Variants in FHOD3 observed in about 807,000 individuals in gnomAD.
FHOD3 encodes formin homology 2 domain containing 3, also known as FH1/FH2 domain-containing protein 3.
In FHOD3, 90 loss-of-function variants were observed where a neutral mutation model predicts 173.0. The ratio of observed to expected loss-of-function variants is 0.52; its 90% CI spans 0.44 to 0.62. The LOEUF is 0.62. Ranked by LOEUF, FHOD3 falls within the 20% of genes least tolerant of loss-of-function variation. The pLI is 0.00. For missense variants in FHOD3, 1,945 were observed against 2,034.7 expected (o/e 0.96, Z 0.85); for synonymous variants, 828 against 823.0 (o/e 1.01, Z -0.10).
At chr18:36,596,737 C>T (rs568469826) in intron 7 of FHOD3, among the ~76,000 whole-genome samples, 6 of 152,116 alleles carry the variant, frequency 3.9e-5, no homozygotes, top group East Asian at 1.9e-4. Flanking sequence ...AGTACATGGA[C>T]GGGGGCTGTG....
intron 5 of FHOD3, among the ~76,000 whole-genome samples, chr18:36,532,142 A>T (rs1412339930): frequency 2.0e-5 from 3 of 152,038 alleles, no homozygotes; most frequent in Non-Finnish European, 2.9e-5. Context: ...CTCAAGTTGT[A>T]CCTCTTAATG....
intron 3 of FHOD3, among the ~76,000 whole-genome samples, chr18:36,373,435 A>C (rs759951218): frequency 5.8e-5 from 2 of 34,358 alleles, no homozygotes; most frequent in Non-Finnish European, 1.1e-4. Flanking sequence ...GTTGAGTCCT[A>C]GTCTATACCC....
chr18:36,664,253 A>T (rs1471974167), intron 14 of FHOD3, among the ~76,000 whole-genome samples: 1 of 152,204 alleles, frequency 6.6e-6, no homozygotes, highest in African/African-American at 2.4e-5. Context: ...TTTCTATGTG[A>T]CACAGTTAAT....
chr18:36,703,788 C>T (rs191709414), intron 17 of FHOD3, among the ~76,000 whole-genome samples: 4 of 152,316 alleles, frequency 2.6e-5, no homozygotes, highest in South Asian at 2.1e-4. Flanking sequence ...TTTCTCTCCT[C>T]ATTTTGCGAC....
intron 22 of FHOD3, among the ~76,000 whole-genome samples, chr18:36,743,680 G>A (rs536486783): frequency 3.2e-4 from 49 of 152,224 alleles, no homozygotes; most frequent in Admixed American, 7.8e-4. Flanking sequence ...ATTAAGAAAC[G>A]CAACTTTTTA....
intron 3 of FHOD3, among the ~76,000 whole-genome samples, chr18:36,471,758 A>G (rs973377948): frequency 2.0e-5 from 3 of 152,242 alleles, no homozygotes; most frequent in East Asian, 1.9e-4. Flanking sequence ...TTGTCTGTCT[A>G]TCCACAGAAT....
chr18:36,462,189 G>T (rs1460392532), intron 3 of FHOD3, among the ~76,000 whole-genome samples: 3 of 152,162 alleles, frequency 2.0e-5, no homozygotes, highest in African/African-American at 7.2e-5. Context: ...CAGTGGGGTT[G>T]TTCACTCACC....
chr18:36,380,467 CCCTTCATT>C (rs2047685670), intron 3 of FHOD3, among the ~76,000 whole-genome samples: 1 of 146,632 alleles, frequency 6.8e-6, no homozygotes, highest in Non-Finnish European at 1.5e-5. Flanking sequence ...CTCCCTTCCT[CCCTTCATT>C]CCCCTCCCTC....
At chr18:36,650,722 A>C (rs1600086102) in intron 11 of FHOD3, among the ~76,000 whole-genome samples, 1 of 152,318 alleles carries the variant, frequency 6.6e-6, no homozygotes, top group Middle Eastern at 3.4e-3. Context: ...ACCTGCACAA[A>C]CCCTTAAACC....
chr18:36,474,978 TACACACATACACACACAC>T (rs1226121810), intron 3 of FHOD3, among the ~76,000 whole-genome samples: 2 of 95,094 alleles, frequency 2.1e-5, no homozygotes, highest in Non-Finnish European at 4.4e-5. Flanking sequence ...AGGTTGAAAA[TACACACATACACACACAC>T]ACACACACAC....
Position 36,769,511 on chromosome 18 carries a change from C to T in FHOD3, c.4786+85C>T, listed in dbSNP as rs1005105645. ...ACGTGAACTGGGAAAGGTGGAGACA[C>T]AGCTCCAGTGAATTGTCAGTGGCTC... On this transcript the variant is annotated intron_variant, in intron 28 of 28. Transcript: ENST00000590592. 21 of 1,483,326 alleles carry T rather than the reference C, an allele frequency of 1.4e-5. No individual in the cohort carries two copies. In the African/African-American group the frequency reaches 1.8e-4, roughly 13 times the overall value. The allele number at this position is 1,483,326 out of a possible 1,614,324, so 91.9% of individuals were successfully genotyped here. A position where few individuals can be genotyped will look rare whatever the true frequency, so the allele number is the denominator to read the frequency against.
At position 36,755,287 on chromosome 18, in the gene FHOD3, G is replaced by A. The variant is rs2042579601; in HGVS notation, c.4401G>A (p.Lys1467=). 1 of 1,592,564 alleles carries A rather than the reference G, an allele frequency of 6.3e-7. No homozygotes were observed. Among genetic ancestry groups the A allele is most frequent in the African/African-American group, 1.3e-5 (1 of 74,148 alleles). ...QKRANHRERN[K]TRGKMITDTD... The stretch of plus-strand genomic sequence containing the variant: ...GGGCCAACCACAGAGAGAGAAATAA[G>A]ACCAGAGGGAAGATGATCACCGATG... Residue 1467 remains lysine (K), a synonymous_variant, in exon 25 of 29, where the codon AAG becomes AAA. Transcript: ENST00000590592.
intron 5 of FHOD3, among the ~76,000 whole-genome samples, chr18:36,519,340 C>A (rs2056153814): frequency 6.6e-6 from 1 of 152,210 alleles, no homozygotes; most frequent in South Asian, 2.1e-4. Flanking sequence ...GCTGGCCCCA[C>A]TGTTCCTCCT....
At chr18:36,610,932 C>T (rs776618473) in intron 8 of FHOD3, among the ~76,000 whole-genome samples, 5 of 152,318 alleles carry the variant, frequency 3.3e-5, no homozygotes, top group Middle Eastern at 3.4e-3. Context: ...AGGCGTTTAT[C>T]CTTCTCTCCC....
chr18:36,626,113 G>C (rs1271983989), intron 10 of FHOD3, among the ~76,000 whole-genome samples: 1 of 152,134 alleles, frequency 6.6e-6, no homozygotes, highest in Non-Finnish European at 1.5e-5. Flanking sequence ...TAGGAATGTG[G>C]GGTTGGAAGA....
intron 3 of FHOD3, among the ~76,000 whole-genome samples, chr18:36,464,125 A>C (rs1382981511): frequency 6.6e-6 from 1 of 152,178 alleles, no homozygotes; most frequent in African/African-American, 2.4e-5. Context: ...TTCAACTTGG[A>C]CCGTATCTGT....
intron 4 of FHOD3, among the ~76,000 whole-genome samples, chr18:36,508,658 A>C (rs936027672): frequency 5.3e-5 from 8 of 152,086 alleles, no homozygotes; most frequent in Non-Finnish European, 1.0e-4. Flanking sequence ...AAAAAAAAAA[A>C]AAAACAGGTG....
intron 2 of FHOD3, among the ~76,000 whole-genome samples, chr18:36,359,104 G>A (rs1438250085): frequency 6.6e-6 from 1 of 152,122 alleles, no homozygotes; most frequent in African/African-American, 2.4e-5. Context: ...TATGAAAATG[G>A]CAAATACCAT....
Position 36,433,434 on chromosome 18 carries a change from C to G in FHOD3, c.337+60690C>G, listed in dbSNP as rs182620573. Among the ~76,000 whole-genome samples, 349 of 152,308 alleles carry G rather than the reference C, an allele frequency of 2.3e-3. 1 individual carries two copies. The highest frequency in any genetic ancestry group is 7.8e-3 in the African/African-American group (326 of 41,568). ...TTTATTATGAATTTCACCAAACTCC[C>G]TGTGTGGAAATGAGCTTCAGGACCA... is the stretch of plus-strand genomic sequence containing the variant. On this transcript the variant is annotated intron_variant, in intron 3 of 28. Transcript: ENST00000590592.
Sources: allele counts gnomAD v4.1 joint callset (sites outside exome capture counted in the v4.1 genomes callset), GRCh38; gene constraint gnomAD v4.1.1; transcripts MANE v1.5; gene names NCBI Gene and HGNC (gene_info 2026-07-23, HGNC 2026-07-21).